TMEM63C: variants seen among roughly 807,000 people sequenced by gnomAD.
The protein encoded by TMEM63C is osmosensitive cation channel TMEM63C.
A neutral mutation model predicts 99.2 loss-of-function variants in TMEM63C; 32 were observed. The observed-to-expected ratio is 0.32, with a 90% CI of 0.24 to 0.43. TMEM63C has a LOEUF of 0.43. Among genes scored for constraint, TMEM63C ranks in the 20% least tolerant of loss-of-function variants. The pLI is 1.00. For synonymous variants in TMEM63C, 376 were observed against 397.9 expected, an observed-to-expected ratio of 0.94 and a Z score of 0.66; for missense variants, 826 against 1,053.0, an observed-to-expected ratio of 0.78 and a Z score of 2.98.
chr14:77,223,136 G>GA (rs1311406975), intron 5 of TMEM63C, among the ~76,000 whole-genome samples: 1 of 152,014 alleles, frequency 6.6e-6, no homozygotes, highest in Non-Finnish European at 1.5e-5. Flanking sequence ...TTCCTGGATA[G>GA]AAAAAAGGCA....
intron 7 of TMEM63C, among the ~76,000 whole-genome samples, chr14:77,232,088 A>G (rs577979900): frequency 6.6e-6 from 1 of 152,250 alleles, no homozygotes; most frequent in African/African-American, 2.4e-5. Context: ...ACATAACACC[A>G]TAGGTGCAGA....
At chr14:77,240,981 C>T (rs548527027) in intron 13 of TMEM63C, among the ~76,000 whole-genome samples, 131 of 142,540 alleles carry the variant, frequency 9.2e-4, no homozygotes, top group African/African-American at 3.1e-3. Flanking sequence ...GAGAGAGTCT[C>T]GCTCTGTCAC....
At chr14:77,205,228 C>G (rs1323922523) in intron 1 of TMEM63C, among the ~76,000 whole-genome samples, 1 of 152,192 alleles carries the variant, frequency 6.6e-6, no homozygotes, top group African/African-American at 2.4e-5. Context: ...CTAGGCAGGG[C>G]CCCACACCCA....
chr14:77,186,776 G>GGGGT (rs1374329494), intron 1 of TMEM63C, among the ~76,000 whole-genome samples: 7 of 138,552 alleles, frequency 5.1e-5, no homozygotes, highest in South Asian at 2.3e-4. Context: ...GAACCAAAGG[G>GGGGT]GTGTGTGTGT....
Position 77,258,458 on chromosome 14 carries a change from G to A in TMEM63C, c.*1732G>A, listed in dbSNP as rs1443814641. The A allele has an allele frequency of 6.6e-6, 1 of 152,458 alleles. No individual in the cohort carries two copies. Among genetic ancestry groups the A allele is most frequent in the African/African-American group, 2.4e-5 (1 of 41,472 alleles). 9.4% of individuals were successfully genotyped at this position (152,458 alleles called of 1,614,324 possible). A position where few individuals can be genotyped will look rare whatever the true frequency, so the allele number is the denominator to read the frequency against. On this transcript the variant is annotated 3_prime_UTR_variant, in exon 24 of 24. Transcript: ENST00000298351. ...ATGGCCCACATTTTGGCATGAGGGT[G>A]TCTTTCCAGAGAGCTTGGGTTGGCT...
chr14:77,187,788 G>A (rs1358344781), intron 1 of TMEM63C, among the ~76,000 whole-genome samples: 4 of 152,164 alleles, frequency 2.6e-5, no homozygotes, highest in East Asian at 1.9e-4. Context: ...TGGTGTCCCC[G>A]TGACTCTGCC....
intron 14 of TMEM63C, 149 bp from the exon 15 acceptor site, chr14:77,242,754 G>A (rs1047391629): frequency 9.8e-5 from 90 of 917,002 alleles, no homozygotes; most frequent in Admixed American, 3.3e-4. Context: ...GACAGGGGAC[G>A]GTCCAGGGTC....
At chr14:77,225,268 C>G (rs1888795875) in intron 5 of TMEM63C, among the ~76,000 whole-genome samples, 156 bp from the exon 6 acceptor site, 1 of 152,228 alleles carries the variant, frequency 6.6e-6, no homozygotes, top group African/African-American at 2.4e-5. Context: ...ACAGTCACCA[C>G]TGGTTCCCAG....
intron 23 of TMEM63C, 76 bp downstream of exon 23, chr14:77,253,452 G>A (rs1889407125): frequency 4.3e-6 from 6 of 1,410,886 alleles, no homozygotes; most frequent in African/African-American, 2.8e-5. Flanking sequence ...CATTGTGGGG[G>A]ATGCCAGCTT....
In TMEM63C at chr14:77,248,331, C is replaced by T. The variant is rs1594869518; in HGVS notation, c.1602-16C>T. ...TGTGGCTTCTGTTGCCACCTTCCCT[C>T]TCCCTCACTGCCCAGGTGTGTGTTC... On this transcript the variant is annotated splice_polypyrimidine_tract_variant and intron_variant, in intron 18 of 23. Transcript: ENST00000298351. 1 of 1,597,956 alleles carries T rather than the reference C, an allele frequency of 6.3e-7. No individual in the cohort carries two copies.
At chr14:77,187,779 G>C (rs975895480) in intron 1 of TMEM63C, among the ~76,000 whole-genome samples, 1 of 152,190 alleles carries the variant, frequency 6.6e-6, no homozygotes, top group Non-Finnish European at 1.5e-5. Context: ...CCCAGGGCCT[G>C]GTGTCCCCGT....
In TMEM63C at chr14:77,233,460, A is replaced by G. The variant is rs774915089; in HGVS notation, c.502A>G (p.Ser168Gly). Residue 168 changes from serine to glycine, a missense_variant, in exon 8 of 24, where the codon AGT (serine) becomes GGT (glycine). By Grantham distance (56) the Ser-to-Gly change is moderately conservative (BLOSUM62 0). Coordinates refer to ENST00000298351, the MANE Select transcript of TMEM63C (RefSeq NM_020431.4). The stretch of plus-strand genomic sequence containing the variant: ...ACTTCTTTCTCTTTCAGACTGGAGC[A>G]GTCACTTTGCTCGGACCACCATTGT... ...NYTGSVLDWS[S>G]HFARTTIVNV... is the part of the protein sequence containing the mutation. 5 of 1,613,400 alleles carry G rather than the reference A, an allele frequency of 3.1e-6. No individual in the cohort carries two copies. Among genetic ancestry groups the G allele is most frequent in the East Asian group, 2.2e-5 (1 of 44,902 alleles).
At position 77,218,973 on chromosome 14, in the gene TMEM63C, G is replaced by A. The variant is rs1350183580; in HGVS notation, c.150+10G>A. ...CATCGCCCTGTGGGTGGTGAGTCCT[G>A]GGCACTGCAGGAGGCAGACAGTAAA... is the stretch of plus-strand genomic sequence containing the variant. On this transcript the variant is annotated intron_variant, in intron 3 of 23. Coordinates refer to ENST00000298351, the MANE Select transcript of TMEM63C (RefSeq NM_020431.4). 1 of 1,553,438 alleles carries A rather than the reference G, an allele frequency of 6.4e-7. No homozygotes were observed. Among genetic ancestry groups the A allele is most frequent in the Non-Finnish European group, 8.7e-7 (1 of 1,149,742 alleles).
intron 13 of TMEM63C, among the ~76,000 whole-genome samples, chr14:77,240,947 C>CT (rs533958957): frequency 2.4e-4 from 16 of 67,134 alleles, no homozygotes; most frequent in South Asian, 6.2e-4. Flanking sequence ...TTTTTTTTTT[C>CT]TTTTTTTTTT....
chr14:77,254,697 C>T (rs562430194), intron 23 of TMEM63C, among the ~76,000 whole-genome samples: 5 of 152,136 alleles, frequency 3.3e-5, no homozygotes, highest in East Asian at 3.9e-4. Context: ...GGACAAAGGT[C>T]GAACCAGGTC....
intron 23 of TMEM63C, among the ~76,000 whole-genome samples, chr14:77,255,640 C>T (rs55841851): frequency 0.049 from 7,480 of 152,268 alleles, 426 homozygotes; most frequent in African/African-American, 0.15. Context: ...GGCTAGAACA[C>T]ATTACAGGTA....
At chr14:77,220,878 T>C (rs1461572320) in intron 5 of TMEM63C, among the ~76,000 whole-genome samples, 8 of 79,512 alleles carry the variant, frequency 1.0e-4, no homozygotes, top group African/African-American at 2.2e-4. Context: ...CGCCTCCCAC[T>C]CACGCCCCGC....
intron 1 of TMEM63C, among the ~76,000 whole-genome samples, chr14:77,193,050 A>C (rs1486505750): frequency 6.6e-6 from 1 of 152,256 alleles, no homozygotes; most frequent in Non-Finnish European, 1.5e-5. Context: ...CATGACAAGA[A>C]GTAAGTTGCC....
chr14:77,215,336 C>T (rs1272552472), intron 2 of TMEM63C, among the ~76,000 whole-genome samples: 5 of 152,038 alleles, frequency 3.3e-5, no homozygotes, highest in African/African-American at 7.2e-5. Flanking sequence ...CATGGGGGCT[C>T]GCACCTGTAA....
Sources: gnomAD v4.1 joint callset for allele counts (sites outside exome capture counted in the v4.1 genomes callset) on GRCh38, gnomAD v4.1.1 for gene constraint, MANE v1.5 for transcripts, NCBI Gene and HGNC (gene_info 2026-07-23, HGNC 2026-07-21) for gene names.